The following SYNPO2 variants were observed in gnomAD, a reference collection of about 807,000 sequenced individuals.
The protein encoded by SYNPO2 is synaptopodin-2.
SYNPO2 carries 56 observed loss-of-function variants against 85.0 expected under a neutral mutation model. The ratio of observed to expected loss-of-function variants is 0.66; its 90% CI spans 0.53 to 0.82. The LOEUF is 0.82. Ranked by LOEUF, SYNPO2 falls within the 40% of genes least tolerant of loss-of-function variation. The probability of loss-of-function intolerance (pLI) is 0.00; values close to 1 mark genes in which losing one functional copy is unlikely to be tolerated. For missense variants in SYNPO2, 1,575 were observed against 1,534.2 expected (o/e 1.03, Z -0.44); for synonymous variants, 602 against 591.1 (o/e 1.02, Z -0.27).
At chr4:119,036,086 C>T (rs1304941659) in intron 4 of SYNPO2, 10 of 985,258 alleles carry the variant, frequency 1.0e-5, no homozygotes, top group African/African-American at 1.7e-5. Flanking sequence ...AACTAGGGCT[C>T]CTGCAAGCAC....
At chr4:118,984,479 C>T (rs1244628454) in intron 1 of SYNPO2, among the ~76,000 whole-genome samples, 2 of 152,220 alleles carry the variant, frequency 1.3e-5, no homozygotes, top group African/African-American at 4.8e-5. Context: ...AATGACCCTT[C>T]TACTTTTCCC....
chr4:118,977,049 G>A (rs942779759), intron 1 of SYNPO2, among the ~76,000 whole-genome samples: 25 of 152,162 alleles, frequency 1.6e-4, no homozygotes, highest in Non-Finnish European at 2.6e-4. Flanking sequence ...CCGTGCGCTC[G>A]CATTCCTCAG....
intron 1 of SYNPO2, among the ~76,000 whole-genome samples, chr4:118,946,468 GT>G (rs1734508811): frequency 8.0e-6 from 1 of 124,970 alleles, no homozygotes; most frequent in African/African-American, 2.7e-5. Flanking sequence ...CTGTAACCCA[GT>G]TTTAGAAATC....
At chr4:119,034,357 C>G in intron 4 of SYNPO2, 1 of 976,230 alleles carries the variant, frequency 1.0e-6, no homozygotes, top group African/African-American at 1.8e-5. Flanking sequence ...AGAAGTATTT[C>G]CAGTTGTCTA....
intron 1 of SYNPO2, among the ~76,000 whole-genome samples, chr4:118,998,823 A>G (rs1736716201): frequency 6.6e-6 from 1 of 152,134 alleles, no homozygotes; most frequent in Non-Finnish European, 1.5e-5. Flanking sequence ...GTTTGAGATT[A>G]ACTCTTCTTC....
chr4:118,885,665 G>A (rs1338700525), upstream of SYNPO2, among the ~76,000 whole-genome samples: 1 of 152,036 alleles, frequency 6.6e-6, no homozygotes, highest in East Asian at 1.9e-4. Flanking sequence ...TAGAGATGGG[G>A]TTTCACCATG....
chr4:118,940,543 G>A (rs1040651503), intron 1 of SYNPO2, among the ~76,000 whole-genome samples: 4 of 151,668 alleles, frequency 2.6e-5, no homozygotes, highest in African/African-American at 9.7e-5. Context: ...CCCACTATGT[G>A]CTCGTTATTG....
At chr4:118,943,882 A>G (rs1444050553) in intron 1 of SYNPO2, among the ~76,000 whole-genome samples, 1 of 152,154 alleles carries the variant, frequency 6.6e-6, no homozygotes, top group African/African-American at 2.4e-5. Context: ...CAGGAGGAAC[A>G]CTCATATTGA....
intron 1 of SYNPO2, among the ~76,000 whole-genome samples, chr4:119,016,922 T>C (rs116154047): frequency 1.1e-3 from 173 of 152,320 alleles, no homozygotes; most frequent in Admixed American, 3.8e-3. Context: ...AAGATAGTTA[T>C]TACTCCAGGA....
At position 118,872,114 on chromosome 4, in the gene SYNPO2, T is replaced by C. The variant is rs187184517; in HGVS notation, c.12+21174T>C. 2.7e-3 allele frequency among the ~76,000 whole-genome samples: 410 copies of C among 152,346 alleles called. 1 individual carries two copies. Among genetic ancestry groups the C allele is most frequent in the African/African-American group, 9.1e-3 (377 of 41,586 alleles). ...CATTAGCATTATTTATTTTACTTAT[T>C]AGGTATTTTTTTTCTTTGCGTAAAT... On this transcript the variant is annotated intron_variant, in intron 1 of 4. Coordinates refer to the SYNPO2 transcript ENST00000610556.
At chr4:118,852,520 C>T (rs1731438154) in intron 1 of SYNPO2, among the ~76,000 whole-genome samples, 1 of 152,110 alleles carries the variant, frequency 6.6e-6, no homozygotes, top group South Asian at 2.1e-4. Context: ...ACATATACAC[C>T]ATGGAATACT....
chr4:118,890,556 C>A (rs1732328482), intron 1 of SYNPO2, among the ~76,000 whole-genome samples: 1 of 152,008 alleles, frequency 6.6e-6, no homozygotes, highest in South Asian at 2.1e-4. Flanking sequence ...ATGTAGAATT[C>A]ATGACACTGA....
chr4:118,874,473 CAAAAT>C (rs995484457), intron 1 of SYNPO2, among the ~76,000 whole-genome samples: 5 of 152,114 alleles, frequency 3.3e-5, no homozygotes, highest in African/African-American at 1.2e-4. Flanking sequence ...TTTAAAAAAT[CAAAAT>C]AAACTGGAAC....
intron 1 of SYNPO2, among the ~76,000 whole-genome samples, chr4:118,870,944 C>T (rs914464624): frequency 3.5e-4 from 53 of 152,166 alleles, no homozygotes; most frequent in Non-Finnish European, 5.9e-5. Flanking sequence ...TTATCACTCA[C>T]AGCAAGCTCA....
Position 119,023,526 on chromosome 4 carries a change from GA to G in SYNPO2, c.204del (p.Val69SerfsTer8). On this transcript the variant is annotated frameshift_variant, in exon 2 of 5. Coordinates refer to ENST00000307142, the MANE Select transcript of SYNPO2 (RefSeq NM_133477.3). LOFTEE classifies it high-confidence loss of function. ...CCCTTGTGCAGATCTCACCTACCCT[GA>G]AGTCATCAAGCTCATGGAAAGCATA... The part of the protein sequence containing the change: ...GNPCADLTYP[E>X]VIKLMESITD... 1 of 1,613,560 alleles carries G rather than the reference GA, an allele frequency of 6.2e-7. No homozygotes were observed. The highest frequency in any genetic ancestry group is 8.5e-7 in the Non-Finnish European group (1 of 1,179,738).
chr4:118,933,196 C>T (rs181897785), intron 1 of SYNPO2, among the ~76,000 whole-genome samples: 27 of 152,180 alleles, frequency 1.8e-4, no homozygotes, highest in African/African-American at 2.4e-4. Flanking sequence ...TATAGGTTTC[C>T]GAAGTTGGAC....
chr4:119,041,105 C>T (rs1246788382), intron 4 of SYNPO2, among the ~76,000 whole-genome samples: 2 of 152,174 alleles, frequency 1.3e-5, no homozygotes, highest in African/African-American at 4.8e-5. Context: ...TTTTCTGGTA[C>T]TTCTAGAATC....
intron 1 of SYNPO2, among the ~76,000 whole-genome samples, chr4:118,936,730 T>A (rs918578765): frequency 2.0e-5 from 3 of 152,162 alleles, no homozygotes; most frequent in African/African-American, 4.8e-5. Context: ...TTCTTAAACA[T>A]AAGATCACTA....
intron 1 of SYNPO2, among the ~76,000 whole-genome samples, chr4:118,875,522 T>C (rs1289123226): frequency 1.3e-5 from 2 of 152,222 alleles, no homozygotes; most frequent in Non-Finnish European, 2.9e-5. Context: ...GGAATTCTGA[T>C]AAATTATATT....
Sources: gnomAD v4.1 joint callset for allele counts (sites outside exome capture counted in the v4.1 genomes callset) on GRCh38, gnomAD v4.1.1 for gene constraint, MANE v1.5 for transcripts, NCBI Gene and HGNC (gene_info 2026-07-23, HGNC 2026-07-21) for gene names.